Variants in COL26A1 observed in about 807,000 individuals in gnomAD.
The protein encoded by COL26A1 is collagen alpha-1(XXVI) chain.
COL26A1 carries 41 observed loss-of-function variants against 59.3 expected under a neutral mutation model. The observed-to-expected ratio is 0.69, with a 90% CI of 0.54 to 0.90. The LOEUF (loss-of-function observed/expected upper bound fraction) is 0.90, where lower values mean the gene tolerates loss of function less well. Ranked by LOEUF, COL26A1 falls within the 40% of genes least tolerant of loss-of-function variation. The probability of loss-of-function intolerance (pLI) is 0.00; values close to 1 mark genes in which losing one functional copy is unlikely to be tolerated. For missense variants in COL26A1, 612 were observed against 602.3 expected, an observed-to-expected ratio of 1.02 and a Z score of -0.17; for synonymous variants, 266 against 256.0, an observed-to-expected ratio of 1.04 and a Z score of -0.37.
At chr7:101,469,316 C>T (rs556330051) in intron 3 of COL26A1, among the ~76,000 whole-genome samples, 1 of 152,106 alleles carries the variant, frequency 6.6e-6, no homozygotes, top group African/African-American at 2.4e-5. Flanking sequence ...ACTCCAAATA[C>T]ATTGCTCCAA....
At chr7:101,496,937 A>G (rs1167541967) in intron 3 of COL26A1, among the ~76,000 whole-genome samples, 1 of 151,886 alleles carries the variant, frequency 6.6e-6, no homozygotes, top group Non-Finnish European at 1.5e-5. Context: ...TAAGTTTATT[A>G]AGAAAGTAGA....
intron 1 of COL26A1, among the ~76,000 whole-genome samples, chr7:101,383,136 C>T (rs556448804): frequency 7.4e-6 from 1 of 134,746 alleles, no homozygotes; most frequent in East Asian, 2.3e-4. Context: ...GTTTTTTAGA[C>T]TTAGGCATTT....
At chr7:101,469,788 C>G (rs547699600) in intron 3 of COL26A1, among the ~76,000 whole-genome samples, 93 of 152,158 alleles carry the variant, frequency 6.1e-4, no homozygotes, top group African/African-American at 2.2e-3. Context: ...CCGCGCCCAG[C>G]TGGTGTCCAC....
intron 3 of COL26A1, among the ~76,000 whole-genome samples, chr7:101,520,662 A>ACACACACACACCCC (rs915256077): frequency 4.9e-5 from 7 of 143,240 alleles, no homozygotes; most frequent in African/African-American, 1.0e-4. Context: ...ACACACACAC[A>ACACACACACACCCC]CCCCCGTGTT....
In COL26A1 at chr7:101,460,291, G is replaced by A. The variant is rs568650094; in HGVS notation, c.385+12504G>A. Among the ~76,000 whole-genome samples, 42 of 152,218 alleles carry A rather than the reference G, an allele frequency of 2.8e-4. No individual in the cohort carries two copies. In the South Asian group the frequency reaches 7.3e-3, roughly 26 times the overall value. ...GAGATAAGGACTTCGCTAAAGGTAC[G>A]ATTGAGGTGTTGTGAGATTCACAGG... On this transcript the variant is annotated intron_variant, in intron 3 of 12. Coordinates refer to ENST00000313669, the MANE Select transcript of COL26A1 (RefSeq NM_001278563.3).
At chr7:101,483,320 C>T (rs1316829734) in intron 3 of COL26A1, among the ~76,000 whole-genome samples, 3 of 151,642 alleles carry the variant, frequency 2.0e-5, no homozygotes, top group Admixed American at 6.6e-5. Context: ...GCCTCAGTCG[C>T]CCAAGTAGCT....
chr7:101,434,188 C>G (rs1428136568), intron 2 of COL26A1, among the ~76,000 whole-genome samples: 1 of 27,552 alleles, frequency 3.6e-5, no homozygotes, highest in African/African-American at 1.7e-4. Context: ...CCTTCCTTCT[C>G]TCTCTCTCTC....
At chr7:101,552,175 C>T (rs548645548) in intron 10 of COL26A1, among the ~76,000 whole-genome samples, 3 of 152,160 alleles carry the variant, frequency 2.0e-5, no homozygotes. Context: ...AGCTCATTGT[C>T]CCTATTGATT....
At chr7:101,397,245 A>G (rs1030150800) in intron 1 of COL26A1, among the ~76,000 whole-genome samples, 4 of 152,064 alleles carry the variant, frequency 2.6e-5, no homozygotes, top group Admixed American at 1.3e-4. Context: ...ATTAGATTGC[A>G]GGTCTCCTTT....
At chr7:101,436,718 C>A (rs1449967982) in intron 2 of COL26A1, among the ~76,000 whole-genome samples, 1 of 141,930 alleles carries the variant, frequency 7.0e-6, no homozygotes, top group Non-Finnish European at 1.5e-5. Flanking sequence ...ACCAGCATTT[C>A]ATTTTTTTTT....
rs571894634 is a variant in COL26A1, at chr7:101,413,175, C to T, written c.159-6802C>T. 7.2e-5 allele frequency among the ~76,000 whole-genome samples: 11 copies of T among 152,142 alleles called. No individual in the cohort carries two copies. The East Asian group carries it at 7.7e-4, about 11-fold the overall frequency. The stretch of plus-strand genomic sequence containing the variant: ...GCCTTGAGCTGGTGGTGGCTCGGGA[C>T]GGTTTGATTGCTCCTCCCCCTAGGT... On this transcript the variant is annotated intron_variant, in intron 1 of 12. Transcript: ENST00000313669.
chr7:101,387,645 C>CTCTCTCTCTCTCTCTA (rs1791610122), intron 1 of COL26A1, among the ~76,000 whole-genome samples: 1 of 134,694 alleles, frequency 7.4e-6, no homozygotes, highest in Admixed American at 7.7e-5. Flanking sequence ...CTCTCTCTCT[C>CTCTCTCTCTCTCTCTA]TTTATATATA....
At chr7:101,540,928 A>T (rs1332896147) in intron 5 of COL26A1, among the ~76,000 whole-genome samples, 2 of 152,038 alleles carry the variant, frequency 1.3e-5, no homozygotes, top group East Asian at 3.9e-4. Flanking sequence ...GATTGCATGA[A>T]GCCAGGAGCT....
intron 3 of COL26A1, among the ~76,000 whole-genome samples, chr7:101,488,519 G>A (rs1289480683): frequency 6.7e-6 from 1 of 149,712 alleles, no homozygotes; most frequent in Non-Finnish European, 1.5e-5. Context: ...GGGATTATAG[G>A]TGCCCGCCAC....
intron 1 of COL26A1, among the ~76,000 whole-genome samples, chr7:101,410,006 C>T (rs139437585): frequency 2.2e-3 from 342 of 152,252 alleles, no homozygotes; most frequent in African/African-American, 7.7e-3. Context: ...ATGATCCACC[C>T]GCCTCAGCCT....
In COL26A1 at chr7:101,480,983, T is replaced by C. The variant is rs190975908; in HGVS notation, c.385+33196T>C. ...CACTCCAGAATATCCTGGGCAGGAG[T>C]TGATTTTCATGTTAGTTTCTTGATT... On this transcript the variant is annotated intron_variant, in intron 3 of 12. Transcript: ENST00000313669. Among the ~76,000 whole-genome samples the C allele has an allele frequency of 1.6e-4, 25 of 152,160 alleles. 1 individual carries two copies. Among genetic ancestry groups the C allele is most frequent in the African/African-American group, 6.0e-4 (25 of 41,510 alleles).
At chr7:101,382,919 G>A (rs940800251) in intron 1 of COL26A1, among the ~76,000 whole-genome samples, 9 of 152,166 alleles carry the variant, frequency 5.9e-5, no homozygotes, top group African/African-American at 2.2e-4. Context: ...ATGTATGCCT[G>A]TAATCCCAGC....
intron 1 of COL26A1, among the ~76,000 whole-genome samples, chr7:101,382,335 C>T (rs537614876): frequency 1.6e-4 from 24 of 152,280 alleles, no homozygotes; most frequent in Middle Eastern, 3.4e-3. Context: ...TATGAGCCAT[C>T]GTACCTGGCT....
At chr7:101,460,477 C>G (rs986329882) in intron 3 of COL26A1, among the ~76,000 whole-genome samples, 6 of 152,090 alleles carry the variant, frequency 3.9e-5, no homozygotes, top group Non-Finnish European at 7.4e-5. Context: ...TCCAGCATCT[C>G]TCTCCTTTAA....
Sources: allele counts gnomAD v4.1 joint callset (sites outside exome capture counted in the v4.1 genomes callset), GRCh38; gene constraint gnomAD v4.1.1; transcripts MANE v1.5; gene names NCBI Gene and HGNC (gene_info 2026-07-23, HGNC 2026-07-21).